TYW2: variants seen among roughly 807,000 people sequenced by gnomAD.
TYW2 encodes the protein tRNA wybutosine-synthesizing protein 2, also known as tRNA wybutosine-synthesizing protein 2 homolog.
At chr8:124,451,870 G>C in the TYW2 span, 1 of 1,614,176 alleles carries the variant, frequency 6.2e-7, no homozygotes, top group Non-Finnish European at 8.5e-7. Flanking sequence ...TCCCAGCTCT[G>C]AAGAAGGCTG....
chr8:124,451,206 T>A, the TYW2 span: 5 of 1,613,994 alleles, frequency 3.1e-6, no homozygotes, highest in Non-Finnish European at 4.2e-6. Flanking sequence ...CGGATCCTGT[T>A]CCTTCGAAGA....
At chr8:124,451,674 A>G in the TYW2 span, 1 of 1,614,126 alleles carries the variant, frequency 6.2e-7, no homozygotes. Context: ...GTTATTTTAC[A>G]TTGCCTTTCC....
the TYW2 span, chr8:124,451,545 C>G: frequency 6.2e-7 from 1 of 1,614,164 alleles, no homozygotes; most frequent in Non-Finnish European, 8.5e-7. Context: ...ATAATGGTAT[C>G]CGTTATAAGT....
At chr8:124,452,224 G>T in the TYW2 span, 7 of 1,614,168 alleles carry the variant, frequency 4.3e-6, no homozygotes, top group South Asian at 6.6e-5. Context: ...TCCCCATGTG[G>T]ATCACATAGT....
chr8:124,451,542 T>A, the TYW2 span: 1 of 1,614,204 alleles, frequency 6.2e-7, no homozygotes, highest in South Asian at 1.1e-5. Flanking sequence ...TGGATAATGG[T>A]ATCCGTTATA....
At chr8:124,451,480 C>G in the TYW2 span, 4 of 1,614,150 alleles carry the variant, frequency 2.5e-6, no homozygotes, top group Non-Finnish European at 3.4e-6. Flanking sequence ...GGATGGTACT[C>G]GAACTCCAGC....
chr8:124,451,290 G>A, the TYW2 span: 1 of 1,614,198 alleles, frequency 6.2e-7, no homozygotes, highest in Non-Finnish European at 8.5e-7. Flanking sequence ...GGGGAGTCAA[G>A]TGGTCAGCCG....
At chr8:124,451,406 T>C in the TYW2 span, 1 of 1,614,058 alleles carries the variant, frequency 6.2e-7, no homozygotes, top group Non-Finnish European at 8.5e-7. Context: ...GGACCGGAAC[T>C]CTGGGAGACC....
the TYW2 span, chr8:124,451,126 C>G: frequency 6.2e-7 from 1 of 1,614,180 alleles, no homozygotes; most frequent in South Asian, 1.1e-5. Flanking sequence ...AGAGACGCTT[C>G]CAGAGCAGCA....
the TYW2 span, chr8:124,451,107 G>A: frequency 1.9e-6 from 3 of 1,614,122 alleles, no homozygotes; most frequent in South Asian, 3.3e-5. Flanking sequence ...TGGCGCTACC[G>A]GTGCTGGGAG....
At chr8:124,451,383 G>A in the TYW2 span, 2 of 1,614,080 alleles carry the variant, frequency 1.2e-6, no homozygotes, top group African/African-American at 1.3e-5. Context: ...AAGCCAAGCA[G>A]TGGAAAAATC....
chr8:124,452,444 G>T, the TYW2 span: 1 of 651,090 alleles, frequency 1.5e-6, no homozygotes, highest in Admixed American at 3.4e-5. Context: ...GTCTTTCATT[G>T]ATAACAGAAA....
the TYW2 span, chr8:124,451,336 C>T: frequency 1.2e-5 from 20 of 1,614,122 alleles, no homozygotes; most frequent in African/African-American, 2.7e-4. Context: ...ATGGCAACGG[C>T]ATGGTAATCT....
the TYW2 span, chr8:124,451,070 G>C: frequency 5.0e-6 from 8 of 1,614,110 alleles, no homozygotes; most frequent in South Asian, 5.5e-5. Context: ...ACACAGCACC[G>C]TGTGGAAAAG....
the TYW2 span, chr8:124,451,511 A>G: frequency 6.2e-7 from 1 of 1,614,168 alleles, no homozygotes; most frequent in Non-Finnish European, 8.5e-7. Flanking sequence ...CTGCTGGGTG[A>G]CCATGGCTGG....
the TYW2 span, chr8:124,451,238 C>T: frequency 5.6e-6 from 9 of 1,613,980 alleles, no homozygotes; most frequent in Non-Finnish European, 7.6e-6. Flanking sequence ...TGTTCACCTG[C>T]CCAAAAATTG....
the TYW2 span, chr8:124,450,859 C>T: frequency 2.0e-6 from 3 of 1,537,722 alleles, no homozygotes; most frequent in African/African-American, 1.4e-5. Context: ...TGCAGGCTAC[C>T]TTATTTAAGA....
At chr8:124,451,439 A>G in the TYW2 span, 1 of 1,614,206 alleles carries the variant, frequency 6.2e-7, no homozygotes, top group Non-Finnish European at 8.5e-7. Flanking sequence ...CTTGGCGTCC[A>G]GCGTTTGGCA....
At chr8:124,451,187 C>G in the TYW2 span, 8 of 1,614,010 alleles carry the variant, frequency 5.0e-6, no homozygotes, top group African/African-American at 5.3e-5. Context: ...TGTATGCTCA[C>G]GCAGCTCCCG....
Sources: allele counts gnomAD v4.1 joint callset, GRCh38; gene constraint gnomAD v4.1.1; transcripts MANE v1.5; gene names NCBI Gene and HGNC (gene_info 2026-07-23, HGNC 2026-07-21).